YEATS4: variants seen among roughly 807,000 people sequenced by gnomAD.
YEATS4 encodes YEATS domain-containing protein 4.
Under a neutral mutation model 30.1 loss-of-function variants are expected in YEATS4, and 17 were observed. The observed-to-expected ratio is 0.56, with a 90% confidence interval of 0.39 to 0.85. The LOEUF is 0.85. Among genes scored for constraint, YEATS4 ranks in the 40% least tolerant of loss-of-function variants. The pLI is 0.00. For synonymous variants in YEATS4, 85 were observed against 87.5 expected, an observed-to-expected ratio of 0.97 and a Z score of 0.16; for missense variants, 142 against 268.3, an observed-to-expected ratio of 0.53 and a Z score of 3.29.
chr12:69,377,911 C>G (rs1429215353), intron 6 of YEATS4, among the ~76,000 whole-genome samples: 1 of 152,094 alleles, frequency 6.6e-6, no homozygotes, highest in Admixed American at 6.5e-5. Context: ...GATTTTCTGT[C>G]TGGATGATCT....
At chr12:69,369,097 C>T (rs981421123) in intron 4 of YEATS4, among the ~76,000 whole-genome samples, 5 of 152,182 alleles carry the variant, frequency 3.3e-5, no homozygotes, top group African/African-American at 1.2e-4. Flanking sequence ...GGTCACAATT[C>T]AGCCCATAAC....
At position 69,378,406 on chromosome 12, in the gene YEATS4, C is replaced by A. The variant is rs1001769876; in HGVS notation, c.514+7431C>A. Among the ~76,000 whole-genome samples, 4 of 152,058 alleles carry A rather than the reference C, an allele frequency of 2.6e-5. No homozygotes were observed. The East Asian group carries it at 7.7e-4, about 29-fold the overall frequency. ...CATTAGTATTGATAAGTAAGGACTT[C>A]CACCATTTTATTTTTCTGATTGTTT... On this transcript the variant is annotated intron_variant, in intron 6 of 6. Coordinates refer to ENST00000247843, the MANE Select transcript of YEATS4 (RefSeq NM_006530.4).
chr12:69,405,881 A>G, the YEATS4 span, among the ~76,000 whole-genome samples: 1 of 152,246 alleles, frequency 6.6e-6, no homozygotes, highest in Non-Finnish European at 1.5e-5. Flanking sequence ...GAGGACCACT[A>G]TATAAATTCC....
rs1875125014 is a variant in YEATS4, at chr12:69,360,043, C to T, written c.51+20C>T. 6.2e-7 allele frequency: 1 copy of T among 1,611,080 alleles called. No homozygotes were observed. Among genetic ancestry groups the T allele is most frequent in the Non-Finnish European group, 8.5e-7 (1 of 1,178,544 alleles). On this transcript the variant is annotated intron_variant, in intron 1 of 6. Coordinates refer to ENST00000247843, the MANE Select transcript of YEATS4 (RefSeq NM_006530.4). ...GTAAAGGTCAGTGCCCGGACCGCCCCTCTTCCGGGGTGGCTCTCCCGCCTC... is the reference window on the plus strand; with the variant it reads ...GTAAAGGTCAGTGCCCGGACCGCCCTTCTTCCGGGGTGGCTCTCCCGCCTC...
chr12:69,392,383 A>G (rs778633880), downstream of YEATS4, among the ~76,000 whole-genome samples: 1 of 152,238 alleles, frequency 6.6e-6, no homozygotes, highest in Non-Finnish European at 1.5e-5. Context: ...ACTCCTAGAT[A>G]TATACCCAAG....
chr12:69,400,789 T>G, the YEATS4 span: 3 of 152,116 alleles, frequency 2.0e-5, no homozygotes, highest in South Asian at 4.2e-4. Flanking sequence ...AAGACAAAAT[T>G]TAAAGATGTC....
At chr12:69,375,200 A>C (rs1186713710) in intron 6 of YEATS4, among the ~76,000 whole-genome samples, 2 of 149,658 alleles carry the variant, frequency 1.3e-5, no homozygotes, top group Admixed American at 1.3e-4. Context: ...GCGGCCGGTC[A>C]GAGACGCTCC....
Position 69,360,002 on chromosome 12 carries a change from T to G in YEATS4, c.30T>G (p.Pro10=). The change falls in exon 1 of 7, where the codon CCT becomes CCG. Residue 10 remains proline (P), a synonymous_variant. Transcript: ENST00000247843. Reference sequence around the variant, plus strand: ...TCAAGAGAATGGCCGAATTTGGGCCTGACTCCGGCGGGAGAGTAAAGGTCA... The same window carrying G: ...TCAAGAGAATGGCCGAATTTGGGCCGGACTCCGGCGGGAGAGTAAAGGTCA... MFKRMAEFG[P]DSGGRVKGVT... 1 of 1,613,656 alleles carries G rather than the reference T, an allele frequency of 6.2e-7. No homozygotes were observed. Among genetic ancestry groups the G allele is most frequent in the Non-Finnish European group, 8.5e-7 (1 of 1,179,788 alleles).
chr12:69,369,505 C>T (rs1875563011), intron 4 of YEATS4, among the ~76,000 whole-genome samples: 1 of 152,116 alleles, frequency 6.6e-6, no homozygotes, highest in Admixed American at 6.5e-5. Context: ...GCCTAGCTAC[C>T]CCATAGCATT....
At chr12:69,393,574 G>GA (rs11345743), downstream of YEATS4, among the ~76,000 whole-genome samples, 30 of 141,188 alleles carry the variant, frequency 2.1e-4, no homozygotes, top group East Asian at 1.6e-3. Flanking sequence ...ATAAAGAAAA[G>GA]AAAAAAAAAA....
rs942596050 is a variant in YEATS4 at position 69,388,677 on chromosome 12, G to T, written c.515-1470G>T. ...CCTGTTTTGCAGTAACATTTCTTTA[G>T]TACTTTGTTATAGATAGATAGTTTC... On this transcript the variant is annotated intron_variant, in intron 6 of 6. Transcript: ENST00000247843. 9.2e-5 allele frequency among the ~76,000 whole-genome samples: 14 copies of T among 152,304 alleles called. No individual in the cohort carries two copies. In the East Asian group the frequency reaches 2.5e-3, roughly 27 times the overall value.
the YEATS4 span, among the ~76,000 whole-genome samples, chr12:69,418,324 C>T: frequency 3.3e-5 from 5 of 152,134 alleles, no homozygotes; most frequent in Admixed American, 6.5e-5. Context: ...GGATGGCACA[C>T]GTCTGTAATC....
chr12:69,388,260 C>T (rs889699037), intron 6 of YEATS4, among the ~76,000 whole-genome samples: 1 of 152,042 alleles, frequency 6.6e-6, no homozygotes, highest in South Asian at 2.1e-4. Context: ...CAGGGTTTTA[C>T]CGTGTATTGC....
chr12:69,389,153 T>C (rs1304299211), intron 6 of YEATS4, among the ~76,000 whole-genome samples: 3 of 152,126 alleles, frequency 2.0e-5, no homozygotes, highest in African/African-American at 2.4e-5. Context: ...TGATTTTGTT[T>C]ATAAGTTTCA....
chr12:69,389,578 A>T (rs557305035), intron 6 of YEATS4, among the ~76,000 whole-genome samples: 30 of 130,516 alleles, frequency 2.3e-4, no homozygotes, highest in African/African-American at 7.2e-4. Flanking sequence ...CACTAGCGTC[A>T]TCTCAGCTCA....
intron 6 of YEATS4, among the ~76,000 whole-genome samples, chr12:69,388,171 C>G (rs987015410): frequency 2.0e-5 from 3 of 152,120 alleles, no homozygotes; most frequent in African/African-American, 7.2e-5. Context: ...CGCCATTCTC[C>G]CGCCTCAGCC....
At chr12:69,410,228 C>G in the YEATS4 span, among the ~76,000 whole-genome samples, 1 of 152,184 alleles carries the variant, frequency 6.6e-6, no homozygotes. Flanking sequence ...TCTAAAGAAG[C>G]CTTTTTGCCA....
At chr12:69,426,822 G>C in the YEATS4 span, among the ~76,000 whole-genome samples, 5 of 152,154 alleles carry the variant, frequency 3.3e-5, no homozygotes, top group Admixed American at 1.3e-4. Flanking sequence ...GAGGTGAAGT[G>C]AGGTCTCAAG....
At chr12:69,417,797 G>A in the YEATS4 span, among the ~76,000 whole-genome samples, 24 of 148,816 alleles carry the variant, frequency 1.6e-4, no homozygotes, top group South Asian at 3.4e-3. Context: ...TTCGTTTAAC[G>A]CTGGCATTTT....
Sources: gnomAD v4.1 joint callset for allele counts (sites outside exome capture counted in the v4.1 genomes callset) on GRCh38, gnomAD v4.1.1 for gene constraint, MANE v1.5 for transcripts, NCBI Gene and HGNC (gene_info 2026-07-23, HGNC 2026-07-21) for gene names.